Variants in GZMA observed in about 807,000 individuals in gnomAD.
GZMA encodes granzyme A.
A neutral mutation model predicts 21.1 loss-of-function variants in GZMA; 17 were observed. The observed-to-expected ratio is 0.81, with a 90% CI of 0.55 to 1.21. The LOEUF (loss-of-function observed/expected upper bound fraction) is 1.21. Ranked by LOEUF, GZMA falls within the 50% of genes most tolerant of loss-of-function variation. GZMA has a pLI of 0.00. For missense variants in GZMA, 306 were observed against 315.9 expected (o/e 0.97, Z 0.24); for synonymous variants, 90 against 107.8 (o/e 0.83, Z 1.03).
intron 2 of GZMA, among the ~76,000 whole-genome samples, chr5:55,106,399 G>A (rs1422738200): frequency 1.3e-5 from 2 of 151,862 alleles, no homozygotes; most frequent in African/African-American, 2.4e-5. Context: ...TCTTCACATC[G>A]CTTAAGTCTT....
chr5:55,104,080 T>C (rs1316570182), intron 1 of GZMA, among the ~76,000 whole-genome samples: 2 of 151,548 alleles, frequency 1.3e-5, no homozygotes, highest in Non-Finnish European at 1.5e-5. Flanking sequence ...GGGACAAAGG[T>C]TGGCTATGTT....
At chr5:55,102,863 C>T in intron 1 of GZMA, 111 bp downstream of exon 1, 1 of 751,314 alleles carries the variant, frequency 1.3e-6, no homozygotes, top group Non-Finnish European at 2.4e-6. Context: ...TGTTTTCCCC[C>T]AAGCCTTATA....
Sources: gnomAD v4.1 joint callset for allele counts (sites outside exome capture counted in the v4.1 genomes callset) on GRCh38, gnomAD v4.1.1 for gene constraint, MANE v1.5 for transcripts, NCBI Gene and HGNC (gene_info 2026-07-23, HGNC 2026-07-21) for gene names.